Variants in PHC3 observed in about 807,000 individuals in gnomAD.
PHC3 encodes the protein polyhomeotic-like protein 3.
PHC3 carries 13 observed loss-of-function variants against 107.4 expected under a neutral mutation model. The ratio of observed to expected loss-of-function variants is 0.12; its 90% CI spans 0.08 to 0.19. PHC3 has a LOEUF of 0.19. Ranked by LOEUF, PHC3 falls within the 10% of genes least tolerant of loss-of-function variation. The probability of loss-of-function intolerance (pLI) is 1.00; values close to 1 mark genes in which losing one functional copy is unlikely to be tolerated. For synonymous variants in PHC3, 456 were observed against 427.4 expected, an observed-to-expected ratio of 1.07 and a Z score of -0.83; for missense variants, 992 against 1,210.9, an observed-to-expected ratio of 0.82 and a Z score of 2.68.
chr3:170,097,851 C>A lies in PHC3; in HGVS notation c.2834-467G>T, dbSNP rs1714833592. 1.3e-5 allele frequency among the ~76,000 whole-genome samples: 2 copies of A among 152,162 alleles called. No homozygotes were observed. The highest frequency in any genetic ancestry group is 1.3e-4 in the Admixed American group (2 of 15,270). On this transcript the variant is annotated intron_variant, in intron 14 of 14. Coordinates refer to ENST00000495893, the MANE Select transcript of PHC3 (RefSeq NM_024947.4). The surrounding 1 kb of genome is among the most constrained non-coding windows in gnomAD (Gnocchi z 4.1). ...GAAATATTTTCTCAAGTAAGTACCACTTTCATTATCATTTGTACCTTATCC... is the reference window on the plus strand; with the variant it reads ...GAAATATTTTCTCAAGTAAGTACCAATTTCATTATCATTTGTACCTTATCC...
chr3:170,178,833 G>A lies in PHC3; in HGVS notation c.120C>T (p.Ser40=). The part of the protein sequence containing the change: ...STTTTTITTS[S]SRMQQPQISV... ...AGATCTGTGGCTGCTGCATTCGAGA[G>A]GAGGAAGTGGTGATGGTGGTGGTGG... is the stretch of plus-strand genomic sequence containing the variant. Residue 40 remains serine (S), a synonymous_variant, in exon 2 of 15, where the codon TCC becomes TCT. Coordinates refer to ENST00000495893, the MANE Select transcript of PHC3 (RefSeq NM_024947.4). The A allele has an allele frequency of 6.2e-7, 1 of 1,614,026 alleles. No individual in the cohort carries two copies. The highest frequency in any genetic ancestry group is 2.2e-5 in the East Asian group (1 of 44,886).
At chr3:170,113,785 A>G (rs1460333734) in intron 10 of PHC3, among the ~76,000 whole-genome samples, 3 of 152,074 alleles carry the variant, frequency 2.0e-5, no homozygotes, top group South Asian at 2.1e-4. Context: ...GGAGTTTTTG[A>G]AAAAAAAGTC....
rs549653149 is a variant in PHC3, at chr3:170,143,780, CA to C, written c.672+1642del. Reference sequence around the variant, plus strand: ...TCTATATACCATATAATTACTACCCCAACCAATATACAGAACATCACCTTAA... The same window carrying C: ...TCTATATACCATATAATTACTACCCCACCAATATACAGAACATCACCTTAA... On this transcript the variant is annotated intron_variant, in intron 6 of 14. Transcript: ENST00000495893. Among the ~76,000 whole-genome samples the C allele has an allele frequency of 3.7e-3, 565 of 152,218 alleles. 2 individuals carry two copies. The highest frequency in any genetic ancestry group is 5.4e-3 in the Non-Finnish European group (368 of 68,012).
At chr3:170,119,051 A>G (rs1392573950) in intron 9 of PHC3, among the ~76,000 whole-genome samples, 3 of 151,250 alleles carry the variant, frequency 2.0e-5, no homozygotes, top group Non-Finnish European at 2.9e-5. Flanking sequence ...AAAAAAAAAA[A>G]AAAAGAAAAA....
At chr3:170,135,265 C>T (rs1178067230) in intron 7 of PHC3, among the ~76,000 whole-genome samples, 1 of 152,038 alleles carries the variant, frequency 6.6e-6, no homozygotes, top group Non-Finnish European at 1.5e-5. Flanking sequence ...ACTCTCATAC[C>T]TCAGCCTCCC....
In PHC3 at chr3:170,096,316, A is replaced by G. The variant is rs918041728; in HGVS notation, c.*914T>C. On this transcript the variant is annotated 3_prime_UTR_variant, in exon 15 of 15. Transcript: ENST00000495893. ...TCCTTTAAAAGTATTCCTTTGGGTGAAAACAATATTTATCACTCCTTCTAT... is the reference window on the plus strand; with the variant it reads ...TCCTTTAAAAGTATTCCTTTGGGTGGAAACAATATTTATCACTCCTTCTAT... 1.3e-5 allele frequency: 2 copies of G among 152,180 alleles called. No individual in the cohort carries two copies. Among genetic ancestry groups the G allele is most frequent in the African/African-American group, 4.8e-5 (2 of 41,442 alleles). 9.4% of individuals were successfully genotyped at this position (152,180 alleles called of 1,614,324 possible).
In PHC3 at chr3:170,113,531, G is replaced by C; in HGVS notation, c.2194-12C>G. On this transcript the variant is annotated splice_polypyrimidine_tract_variant and intron_variant, in intron 10 of 14. Coordinates refer to ENST00000495893, the MANE Select transcript of PHC3 (RefSeq NM_024947.4). ...GAGGAACGACTCACCTTTAAAAAAG[G>C]AGAAATAATAAAATGAAACAATCTC... The C allele has an allele frequency of 6.3e-7, 1 of 1,575,736 alleles. No individual in the cohort carries two copies. Among genetic ancestry groups the C allele is most frequent in the Non-Finnish European group, 8.6e-7 (1 of 1,164,920 alleles).
At chr3:170,128,517 T>C in intron 8 of PHC3, 167 bp downstream of exon 8, 1 of 259,288 alleles carries the variant, frequency 3.9e-6, no homozygotes, top group Non-Finnish European at 6.0e-6. Flanking sequence ...AACAATGGCA[T>C]TTTTTTTTTT....
At position 170,122,724 on chromosome 3, in the gene PHC3, C is replaced by T. The variant is rs770215996; in HGVS notation, c.1809G>A (p.Val603=). 45 of 1,613,836 alleles carry T rather than the reference C, an allele frequency of 2.8e-5. No individual in the cohort carries two copies. The highest frequency in any genetic ancestry group is 3.3e-4 in the Middle Eastern group (2 of 6,084). The change falls in exon 9 of 15, where the codon GTG becomes GTA. Residue 603 remains valine, a synonymous_variant. Coordinates refer to ENST00000495893, the MANE Select transcript of PHC3 (RefSeq NM_024947.4). ...DPPVVYQVED[V]CEEEMPEESD... is the part of the protein sequence containing the mutation. The stretch of plus-strand genomic sequence containing the variant: ...ACTCTTCTGGCATTTCTTCTTCACA[C>T]ACATCTTCTACCTGATAAACCTGCA...
intron 7 of PHC3, among the ~76,000 whole-genome samples, chr3:170,135,114 T>G (rs1158115419): frequency 6.6e-6 from 1 of 152,126 alleles, no homozygotes; most frequent in Non-Finnish European, 1.5e-5. Flanking sequence ...GCTTACCCGA[T>G]GAGGTTGCTG....
chr3:170,100,892 A>T (rs559887910), intron 14 of PHC3, among the ~76,000 whole-genome samples: 15 of 152,210 alleles, frequency 9.9e-5, no homozygotes, highest in African/African-American at 3.6e-4. Flanking sequence ...GAAAAGAAAA[A>T]TTTCCCCCAA....
intron 10 of PHC3, among the ~76,000 whole-genome samples, chr3:170,116,162 C>G (rs1718929326): frequency 6.6e-6 from 1 of 152,126 alleles, no homozygotes; most frequent in African/African-American, 2.4e-5. Flanking sequence ...CATTTTAAAG[C>G]ATTTGAAAAA....
chr3:170,169,895 A>G (rs1166899437), intron 4 of PHC3: 2 of 152,214 alleles, frequency 1.3e-5, no homozygotes, highest in Non-Finnish European at 2.9e-5. Flanking sequence ...CCATTGTATT[A>G]AAGACATCTG....
chr3:170,181,670 G>T, intron 1 of PHC3, 32 bp downstream of exon 1: 1 of 1,613,288 alleles, frequency 6.2e-7, no homozygotes, highest in Non-Finnish European at 8.5e-7. Flanking sequence ...GCCCCCCCTA[G>T]TTACGACATC....
At chr3:170,164,446 G>T (rs1248171321) in intron 4 of PHC3, among the ~76,000 whole-genome samples, 1 of 152,080 alleles carries the variant, frequency 6.6e-6, no homozygotes, top group African/African-American at 2.4e-5. Flanking sequence ...CAGATCTTCT[G>T]CTTGCGTAAT....
chr3:170,181,668 T>C (rs1422961976), intron 1 of PHC3, 34 bp downstream of exon 1: 4 of 1,608,108 alleles, frequency 2.5e-6, no homozygotes, highest in Non-Finnish European at 3.4e-6. Flanking sequence ...TCGCCCCCCC[T>C]AGTTACGACA....
intron 12 of PHC3, among the ~76,000 whole-genome samples, chr3:170,105,022 T>TTCCCTGAC (rs1200784093): frequency 6.6e-6 from 1 of 152,174 alleles, no homozygotes; most frequent in African/African-American, 2.4e-5. Flanking sequence ...ATCTACCCTC[T>TTCCCTGAC]CTCATCCACA....
intron 8 of PHC3, among the ~76,000 whole-genome samples, chr3:170,124,898 G>A (rs940942324): frequency 2.6e-5 from 4 of 151,972 alleles, no homozygotes; most frequent in Non-Finnish European, 4.4e-5. Flanking sequence ...GTAACAATAG[G>A]TGACAATCAA....
chr3:170,124,679 A>C (rs1330813663), intron 8 of PHC3, among the ~76,000 whole-genome samples: 2 of 152,202 alleles, frequency 1.3e-5, no homozygotes, highest in Admixed American at 6.5e-5. Context: ...ACAAATGTTA[A>C]CAAACAAACT....
Sources: allele counts gnomAD v4.1 joint callset (sites outside exome capture counted in the v4.1 genomes callset), GRCh38; gene constraint gnomAD v4.1.1; non-coding constraint Gnocchi (gnomAD v3.1); transcripts MANE v1.5; gene names NCBI Gene and HGNC (gene_info 2026-07-23, HGNC 2026-07-21).